Variants in CLSTN2 observed in about 807,000 individuals in gnomAD.
The protein encoded by CLSTN2 is calsyntenin 2, also known as calsyntenin-2.
In CLSTN2, 48 loss-of-function variants were observed where a neutral mutation model predicts 101.2. The observed-to-expected ratio is 0.47, with a 90% confidence interval of 0.38 to 0.60. CLSTN2 has a LOEUF of 0.60. Among genes scored for constraint, CLSTN2 ranks in the 20% least tolerant of loss-of-function variants. The pLI is 0.00. For synonymous variants in CLSTN2, 481 were observed against 463.6 expected (o/e 1.04, Z -0.48); for missense variants, 1,160 against 1,238.2 (o/e 0.94, Z 0.95).
At chr3:140,240,586 A>C (rs960187156) in intron 2 of CLSTN2, among the ~76,000 whole-genome samples, 3 of 152,090 alleles carry the variant, frequency 2.0e-5, no homozygotes, top group Non-Finnish European at 2.9e-5. Context: ...TAACATTTAT[A>C]CAGGTGTAAA....
At chr3:140,135,087 AACACACACACACACACACAC>A (rs780837347) in intron 1 of CLSTN2, among the ~76,000 whole-genome samples, 1 of 51,424 alleles carries the variant, frequency 1.9e-5, no homozygotes, top group African/African-American at 5.4e-5. Flanking sequence ...CTCTCAAAAA[AACACACACACACACACACAC>A]ACACACACAC....
chr3:140,473,683 A>G (rs1444427786), intron 8 of CLSTN2, among the ~76,000 whole-genome samples: 1 of 152,030 alleles, frequency 6.6e-6, no homozygotes, highest in Non-Finnish European at 1.5e-5. Flanking sequence ...GTCCAGTGAC[A>G]TTCATTTCAG....
intron 1 of CLSTN2, among the ~76,000 whole-genome samples, chr3:140,010,850 A>G (rs1008980091): frequency 5.3e-5 from 8 of 152,270 alleles, no homozygotes; most frequent in Non-Finnish European, 8.8e-5. Context: ...AATAATGGAT[A>G]TGAAATTACT....
At chr3:140,404,966 C>T (rs957744543) in intron 4 of CLSTN2, among the ~76,000 whole-genome samples, 200 bp downstream of exon 4, 1 of 152,172 alleles carries the variant, frequency 6.6e-6, no homozygotes, top group Non-Finnish European at 1.5e-5. Context: ...AGGTCTAAAA[C>T]ACCCTCAGGA....
At chr3:140,452,829 C>T (rs546898126) in intron 6 of CLSTN2, among the ~76,000 whole-genome samples, 3 of 152,300 alleles carry the variant, frequency 2.0e-5, no homozygotes, top group South Asian at 4.1e-4. Flanking sequence ...GCTTGTGGGG[C>T]CAGATGTAAC....
At chr3:140,093,395 C>G (rs956398831) in intron 1 of CLSTN2, among the ~76,000 whole-genome samples, 9 of 152,148 alleles carry the variant, frequency 5.9e-5, no homozygotes, top group African/African-American at 1.7e-4. Flanking sequence ...CATCCTACCC[C>G]CCAGTTAGCT....
intron 2 of CLSTN2, among the ~76,000 whole-genome samples, chr3:140,211,386 A>G (rs1219933520): frequency 8.3e-6 from 1 of 120,456 alleles, no homozygotes. Context: ...CACCTGATAT[A>G]TGCTTGGTAA....
intron 5 of CLSTN2, among the ~76,000 whole-genome samples, chr3:140,427,207 G>GTGTA (rs1397987072): frequency 1.2e-4 from 10 of 84,988 alleles, no homozygotes; most frequent in African/African-American, 7.4e-4. Context: ...ATATATATGT[G>GTGTA]TATATATATA....
chr3:140,149,306 A>T (rs2009826844), intron 1 of CLSTN2, among the ~76,000 whole-genome samples: 1 of 152,218 alleles, frequency 6.6e-6, no homozygotes. Context: ...GTGCAGGTAA[A>T]TGGATGTCAG....
At chr3:140,067,658 T>C (rs556892525) in intron 1 of CLSTN2, among the ~76,000 whole-genome samples, 1 of 152,310 alleles carries the variant, frequency 6.6e-6, no homozygotes, top group East Asian at 1.9e-4. Flanking sequence ...GAAGATTAAG[T>C]GCCTGGATCA....
At chr3:140,083,689 T>A (rs2008634399) in intron 1 of CLSTN2, among the ~76,000 whole-genome samples, 1 of 152,198 alleles carries the variant, frequency 6.6e-6, no homozygotes, top group South Asian at 2.1e-4. Flanking sequence ...GTTCAAGTTT[T>A]AGTGTAGGAT....
chr3:140,264,590 C>A (rs2086680042), intron 2 of CLSTN2, among the ~76,000 whole-genome samples: 1 of 151,816 alleles, frequency 6.6e-6, no homozygotes, highest in Admixed American at 6.6e-5. Context: ...TCAGTCTTTG[C>A]AGCACCTTTA....
chr3:140,538,730 GC>G (rs1301853583), intron 9 of CLSTN2, among the ~76,000 whole-genome samples: 4 of 152,198 alleles, frequency 2.6e-5, no homozygotes, highest in Non-Finnish European at 4.4e-5. Context: ...GGTGTCTACA[GC>G]TGGAAGAAAG....
At chr3:140,294,489 C>T (rs2086983831) in intron 2 of CLSTN2, among the ~76,000 whole-genome samples, 2 of 151,928 alleles carry the variant, frequency 1.3e-5, no homozygotes, top group African/African-American at 4.8e-5. Flanking sequence ...CAAATTGTTC[C>T]CCAGCTCCTA....
At chr3:140,502,139 G>A (rs1166313327) in intron 8 of CLSTN2, among the ~76,000 whole-genome samples, 1 of 152,130 alleles carries the variant, frequency 6.6e-6, no homozygotes, top group Non-Finnish European at 1.5e-5. Flanking sequence ...GGTGGGTGAA[G>A]GGTAAAATAA....
chr3:140,175,633 C>T (rs542617650), intron 1 of CLSTN2, among the ~76,000 whole-genome samples: 3 of 152,316 alleles, frequency 2.0e-5, no homozygotes, highest in South Asian at 4.1e-4. Context: ...TAACATCTAT[C>T]TGTACTGGGT....
At chr3:140,475,096 G>A (rs1222744082) in intron 8 of CLSTN2, among the ~76,000 whole-genome samples, 1 of 129,776 alleles carries the variant, frequency 7.7e-6, no homozygotes, top group African/African-American at 2.5e-5. Flanking sequence ...CACCCTTGTA[G>A]TGCAGGTAGT....
intron 2 of CLSTN2, among the ~76,000 whole-genome samples, chr3:140,381,375 T>TG (rs1446277418): frequency 3.7e-4 from 56 of 152,166 alleles, no homozygotes; most frequent in African/African-American, 1.4e-3. Flanking sequence ...ACATCTTTTT[T>TG]GGGGGGACAC....
At chr3:140,207,361 C>T (rs1043836470) in intron 2 of CLSTN2, among the ~76,000 whole-genome samples, 5 of 152,096 alleles carry the variant, frequency 3.3e-5, no homozygotes, top group South Asian at 4.2e-4. Flanking sequence ...TTCACCATTC[C>T]CATCTTACCA....
Sources: gnomAD v4.1 joint callset for allele counts (sites outside exome capture counted in the v4.1 genomes callset) on GRCh38, gnomAD v4.1.1 for gene constraint, MANE v1.5 for transcripts, NCBI Gene and HGNC (gene_info 2026-07-23, HGNC 2026-07-21) for gene names.